C3orf52: variants seen among roughly 807,000 people sequenced by gnomAD.
C3orf52 encodes the protein chromosome 3 open reading frame 52, also known as TPA-induced transmembrane protein.
Under a neutral mutation model 24.8 loss-of-function variants are expected in C3orf52, and 22 were observed. That is an observed-to-expected ratio of 0.89 (90% CI 0.63 to 1.27). The LOEUF is 1.27. C3orf52 is among the 50% of genes most tolerant of loss of function. The pLI is 0.00. For synonymous variants in C3orf52, 93 were observed against 100.2 expected (o/e 0.93, Z 0.43); for missense variants, 265 against 260.7 (o/e 1.02, Z -0.11).
chr3:112,093,668 CTGT>C (rs1348139600), intron 2 of C3orf52, among the ~76,000 whole-genome samples, 179 bp downstream of exon 2: 3 of 152,058 alleles, frequency 2.0e-5, no homozygotes, highest in African/African-American at 4.8e-5. Flanking sequence ...TTTTTGTTTT[CTGT>C]TGTTGTTGTA....
intron 5 of C3orf52, among the ~76,000 whole-genome samples, chr3:112,113,948 A>G (rs969856168): frequency 3.3e-5 from 5 of 152,222 alleles, no homozygotes. Flanking sequence ...TTTAGCCCCT[A>G]ATGCCAACAA....
At chr3:112,108,334 T>C (rs2074046938) in intron 3 of C3orf52, among the ~76,000 whole-genome samples, 1 of 152,198 alleles carries the variant, frequency 6.6e-6, no homozygotes, top group South Asian at 2.1e-4. Flanking sequence ...GGTAAAAATT[T>C]AAGTTTGGTA....
At chr3:112,128,001 A>G (rs1576167101) in intron 4 of C3orf52, 1 of 1,611,116 alleles carries the variant, frequency 6.2e-7, no homozygotes, top group Non-Finnish European at 8.5e-7. Flanking sequence ...ACTCCTAAAA[A>G]CAACTGTCCA....
downstream of C3orf52, chr3:112,130,409 A>G (rs1322485790): frequency 1.3e-6 from 2 of 1,569,438 alleles, no homozygotes; most frequent in East Asian, 2.2e-5. Flanking sequence ...CTCCTTGGGC[A>G]AGGTCTGGGG....
intron 2 of C3orf52, among the ~76,000 whole-genome samples, chr3:112,095,160 G>A (rs1023792939): frequency 1.3e-5 from 2 of 152,156 alleles, no homozygotes; most frequent in Non-Finnish European, 2.9e-5. Context: ...CAGGTGTGTT[G>A]GATGACTGTT....
chr3:112,114,372 G>T (rs1438408680), intron 5 of C3orf52, among the ~76,000 whole-genome samples: 1 of 150,578 alleles, frequency 6.6e-6, no homozygotes, highest in Non-Finnish European at 1.5e-5. Context: ...TATGTGTGTG[G>T]AGTGAAGAGA....
intron 4 of C3orf52, chr3:112,123,583 C>T (rs769699690): frequency 6.2e-7 from 1 of 1,614,084 alleles, no homozygotes; most frequent in South Asian, 1.1e-5. Context: ...TGCCTGGGGT[C>T]TGTAGAAGGC....
intron 3 of C3orf52, among the ~76,000 whole-genome samples, chr3:112,106,978 A>G (rs1202146550): frequency 6.6e-6 from 1 of 152,198 alleles, no homozygotes; most frequent in Non-Finnish European, 1.5e-5. Context: ...CTAAGGGTTG[A>G]GGAACCACCC....
Position 112,117,059 on chromosome 3 carries a change from T to A in C3orf52, c.*413T>A. The A allele has an allele frequency of 1.2e-6, 1 of 801,632 alleles. No individual in the cohort carries two copies. The highest frequency in any genetic ancestry group is 1.9e-6 in the Non-Finnish European group (1 of 515,622). The allele number at this position is 801,632 out of a possible 1,614,324, so 49.7% of individuals were successfully genotyped here. ...CTTGAAGCACTCCACCCACCTGGGC[T>A]ACTTTTTCTTTAGTGCAGAGGTGCA... On this transcript the variant is annotated 3_prime_UTR_variant, in exon 6 of 6. Transcript: ENST00000264848.
At chr3:112,133,578 C>G (rs1456985314), downstream of C3orf52, 5 of 160,976 alleles carry the variant, frequency 3.1e-5, no homozygotes, top group African/African-American at 1.2e-4. Context: ...AACAAACACC[C>G]AGTAACAAAA....
At position 112,089,640 on chromosome 3, in the gene C3orf52, G is replaced by A. The variant is rs544633367; in HGVS notation, c.138+3095G>A. The stretch of plus-strand genomic sequence containing the variant: ...GAATCAACTGGCTCTTTTGTGCTTG[G>A]ATCAAACAAGTGGATTAAATCCCAC... On this transcript the variant is annotated intron_variant, in intron 1 of 5. Transcript: ENST00000264848. Among the ~76,000 whole-genome samples, 34 of 152,140 alleles carry A rather than the reference G, an allele frequency of 2.2e-4. No individual in the cohort carries two copies. The South Asian group carries it at 7.1e-3, about 32-fold the overall frequency.
rs151154958 is a variant in C3orf52 at position 112,128,650 on chromosome 3, C to T, written c.*464C>T. The T allele has an allele frequency of 5.1e-4, 93 of 183,810 alleles. 1 individual carries two copies. Among genetic ancestry groups the T allele is most frequent in the African/African-American group, 2.1e-3 (89 of 42,340 alleles). The allele number at this position is 183,810 out of a possible 1,614,324, so 11.4% of individuals were successfully genotyped here. A position where few individuals can be genotyped will look rare whatever the true frequency, so the allele number is the denominator to read the frequency against. ...AAAATATTTGATGAAGATATGAATA[C>T]AGAATGAATAGCCAAGGACAGGACA... On this transcript the variant is annotated 3_prime_UTR_variant, in exon 5 of 5. Coordinates refer to the C3orf52 transcript ENST00000480282.
At chr3:112,126,361 A>T (rs547465229) in intron 4 of C3orf52, among the ~76,000 whole-genome samples, 28 of 152,288 alleles carry the variant, frequency 1.8e-4, no homozygotes, top group African/African-American at 5.3e-4. Flanking sequence ...CCTCAGGCCT[A>T]CACTTTCTTA....
At chr3:112,119,358 A>T (rs1023087169), downstream of C3orf52, 5 of 359,674 alleles carry the variant, frequency 1.4e-5, no homozygotes, top group Non-Finnish European at 5.9e-6. Flanking sequence ...CTGGGTGACA[A>T]GAGTGAAACT....
intron 3 of C3orf52, among the ~76,000 whole-genome samples, chr3:112,103,220 G>A (rs561767377): frequency 6.6e-6 from 1 of 152,220 alleles, no homozygotes; most frequent in East Asian, 1.9e-4. Context: ...AAGGGCGGAG[G>A]GTGGGAAGAG....
intron 5 of C3orf52, among the ~76,000 whole-genome samples, chr3:112,114,365 G>T (rs1208990886): frequency 1.3e-5 from 2 of 150,578 alleles, no homozygotes; most frequent in East Asian, 3.9e-4. Context: ...GACACTATAT[G>T]TGTGTGGAGT....
At chr3:112,108,553 A>T (rs552458234) in intron 3 of C3orf52, among the ~76,000 whole-genome samples, 2 of 152,322 alleles carry the variant, frequency 1.3e-5, no homozygotes, top group East Asian at 1.9e-4. Context: ...ATAAGTTGTG[A>T]TGGGGAAAAT....
chr3:112,118,055 C>G lies in C3orf52; in HGVS notation c.*1409C>G, dbSNP rs2074154529. On this transcript the variant is annotated 3_prime_UTR_variant, in exon 6 of 6. Transcript: ENST00000264848. ...TCATTGTCTCATTTTAGTGATTGTT[C>G]CTTAAACTAGTGAAACTAGTGGATT... is the stretch of plus-strand genomic sequence containing the variant. The G allele has an allele frequency of 6.6e-6, 1 of 152,142 alleles. No homozygotes were observed. The highest frequency in any genetic ancestry group is 1.5e-5 in the Non-Finnish European group (1 of 68,026). 9.4% of individuals were successfully genotyped at this position (152,142 alleles called of 1,614,324 possible). A position where few individuals can be genotyped will look rare whatever the true frequency, so the allele number is the denominator to read the frequency against.
In C3orf52 at chr3:112,113,068, T is replaced by C. The variant is rs1015450479; in HGVS notation, c.572T>C (p.Leu191Ser). 3 of 1,610,968 alleles carry C rather than the reference T, an allele frequency of 1.9e-6. No individual in the cohort carries two copies. The highest frequency in any genetic ancestry group is 2.5e-6 in the Non-Finnish European group (3 of 1,178,692). ...MMSEELVLGI[L>S]LQDFRDQNIP... ...AGTGAGGAGTTGGTGCTGGGCATTTTGCTACAGGATTTCCGTGATCAGAAT... is the reference window on the plus strand; with the variant it reads ...AGTGAGGAGTTGGTGCTGGGCATTTCGCTACAGGATTTCCGTGATCAGAAT... Residue 191 changes from leucine to serine, a missense_variant, in exon 5 of 6, where the codon TTG (leucine) becomes TCG (serine). Transcript: ENST00000264848.
Sources: gnomAD v4.1 joint callset for allele counts (sites outside exome capture counted in the v4.1 genomes callset) on GRCh38, gnomAD v4.1.1 for gene constraint, MANE v1.5 for transcripts, NCBI Gene and HGNC (gene_info 2026-07-23, HGNC 2026-07-21) for gene names.